The following ITSN1 variants were observed in gnomAD, a reference collection of about 807,000 sequenced individuals.
ITSN1 encodes the protein intersectin 1.
Under a neutral mutation model 239.8 loss-of-function variants are expected in ITSN1, and 58 were observed. The observed-to-expected ratio is 0.24, with a 90% CI of 0.20 to 0.30. The LOEUF is 0.30. Among genes scored for constraint, ITSN1 ranks in the 10% least tolerant of loss-of-function variants. The probability of loss-of-function intolerance (pLI) is 1.00; values close to 1 mark genes in which losing one functional copy is unlikely to be tolerated. For synonymous variants in ITSN1, 780 were observed against 770.8 expected (o/e 1.01, Z -0.20); for missense variants, 1,558 against 2,103.3 (o/e 0.74, Z 5.07).
chr21:33,877,626 G>A (rs2148541394), intron 34 of ITSN1, among the ~76,000 whole-genome samples: 1 of 152,258 alleles, frequency 6.6e-6, no homozygotes, highest in South Asian at 2.1e-4. Context: ...TTTTTGTGAA[G>A]ATCTCCTAGT....
intron 1 of ITSN1, among the ~76,000 whole-genome samples, chr21:33,663,608 CT>C (rs796797052): frequency 0.043 from 6,353 of 147,570 alleles, 442 homozygotes; most frequent in African/African-American, 0.15. Flanking sequence ...TGATTAAATT[CT>C]TTTTTTTTTT....
In ITSN1 at chr21:33,882,177, G is replaced by A; in HGVS notation, c.4342-66G>A. 1 of 1,389,568 alleles carries A rather than the reference G, an allele frequency of 7.2e-7. No homozygotes were observed. The highest frequency in any genetic ancestry group is 1.0e-6 in the Non-Finnish European group (1 of 997,278). 86.1% of individuals were successfully genotyped at this position (1,389,568 alleles called of 1,614,324 possible). A position where few individuals can be genotyped will look rare whatever the true frequency, so the allele number is the denominator to read the frequency against. ...TGGGGCCTGGCCTCTGATTCTGATG[G>A]AGCCCATGCTTTCAGATGCGGAGAA... On this transcript the variant is annotated intron_variant, in intron 34 of 39. Coordinates refer to ENST00000381318, the MANE Select transcript of ITSN1 (RefSeq NM_003024.3). This position sits in a 1 kb window ranked among gnomAD's most constrained non-coding sequence, Gnocchi z 4.5.
chr21:33,686,943 G>T (rs2091271850), intron 1 of ITSN1, among the ~76,000 whole-genome samples: 1 of 152,114 alleles, frequency 6.6e-6, no homozygotes, highest in Non-Finnish European at 1.5e-5. Flanking sequence ...TGGCCAATGT[G>T]GTGGATATTT....
Position 33,775,057 on chromosome 21 carries a change from A to C in ITSN1, c.1545A>C (p.Lys515Asn), listed in dbSNP as rs1381554892. 6.2e-7 allele frequency: 1 copy of C among 1,614,118 alleles called. No homozygotes were observed. Among genetic ancestry groups the C allele is most frequent in the South Asian group, 1.1e-5 (1 of 91,044 alleles). ...TQRQEIESTN[K>N]SRELRIAEIT... ...GGCAAGAAATTGAGAGCACAAACAA[A>C]TCTAGAGAGTTGAGAATTGCCGAAA... is the stretch of plus-strand genomic sequence containing the variant. The change falls in exon 14 of 40, where the codon AAA becomes AAC. Residue 515 changes from lysine (K) to asparagine (N), a missense_variant. By Grantham distance (94) the Lys-to-Asn change is moderately conservative. This residue lies in a region of ITSN1 where 982 missense variants were observed against 1,209.9 expected (regional missense o/e 0.81). Transcript: ENST00000381318.
At chr21:33,711,653 TGTGTG>T (rs994033009) in intron 1 of ITSN1, among the ~76,000 whole-genome samples, 5 of 10,804 alleles carry the variant, frequency 4.6e-4, no homozygotes, top group African/African-American at 2.3e-3. Flanking sequence ...TTCTGTGTGT[TGTGTG>T]TGTGTGTGTG....
At chr21:33,762,637 A>G (rs2068426050) in intron 9 of ITSN1, among the ~76,000 whole-genome samples, 1 of 152,006 alleles carries the variant, frequency 6.6e-6, no homozygotes, top group Admixed American at 6.6e-5. Flanking sequence ...TTTATCTTCA[A>G]AAGAGAGGGA....
At chr21:33,733,764 T>C (rs990222639) in intron 4 of ITSN1, among the ~76,000 whole-genome samples, 1 of 152,184 alleles carries the variant, frequency 6.6e-6, no homozygotes, top group Non-Finnish European at 1.5e-5. Flanking sequence ...AATTCTTTGC[T>C]GAAGGGCCCA....
chr21:33,818,610 T>C (rs1285171368), intron 23 of ITSN1, 138 bp downstream of exon 23: 1 of 718,022 alleles, frequency 1.4e-6, no homozygotes, highest in Non-Finnish European at 2.4e-6. Context: ...AAAGTTATAG[T>C]ATATAGAGTA....
At chr21:33,665,094 G>C (rs143429345) in intron 1 of ITSN1, among the ~76,000 whole-genome samples, 6,921 of 135,558 alleles carry the variant, frequency 0.051, 505 homozygotes, top group African/African-American at 0.17. Context: ...GAAACCCCGT[G>C]TCTACTAAAA....
intron 5 of ITSN1, among the ~76,000 whole-genome samples, chr21:33,742,092 T>C (rs1279554537): frequency 1.3e-5 from 2 of 150,928 alleles, no homozygotes; most frequent in African/African-American, 2.4e-5. Context: ...AGTCTTGCTC[T>C]GTCCCCCAGG....
chr21:33,671,878 C>T (rs1339917093), intron 1 of ITSN1, among the ~76,000 whole-genome samples: 1 of 152,122 alleles, frequency 6.6e-6, no homozygotes, highest in African/African-American at 2.4e-5. Context: ...GTTGTATATC[C>T]ATCTTGTCCT....
chr21:33,768,046 G>A (rs529968953), intron 11 of ITSN1, among the ~76,000 whole-genome samples: 1 of 152,282 alleles, frequency 6.6e-6, no homozygotes, highest in South Asian at 2.1e-4. Flanking sequence ...ATGCACCGTT[G>A]TTCTAACTTG....
intron 1 of ITSN1, among the ~76,000 whole-genome samples, chr21:33,712,518 C>G (rs1235555060): frequency 4.6e-5 from 7 of 152,192 alleles, no homozygotes; most frequent in Non-Finnish European, 7.3e-5. Flanking sequence ...TTAATTCACA[C>G]AATGGCAGGT....
rs1462406255 is a variant in ITSN1, at chr21:33,894,120, G to C, written c.*5820G>C. 1.3e-5 allele frequency: 2 copies of C among 152,234 alleles called. No homozygotes were observed. Among genetic ancestry groups the C allele is most frequent in the African/African-American group, 4.8e-5 (2 of 41,452 alleles). The allele number at this position is 152,234 out of a possible 1,614,324, so 9.4% of individuals were successfully genotyped here. The stretch of plus-strand genomic sequence containing the variant: ...TGGTGGCATTCAAGCAAGCCTAATT[G>C]GATTAGGTTGGTGCAAAAGTGATTG... On this transcript the variant is annotated 3_prime_UTR_variant, in exon 40 of 40. Transcript: ENST00000381318.
chr21:33,818,106 C>T (rs1457981356), intron 22 of ITSN1, 161 bp from the exon 23 acceptor site: 45 of 622,616 alleles, frequency 7.2e-5, no homozygotes, highest in Non-Finnish European at 1.1e-5. Flanking sequence ...TGTTGGGAAA[C>T]AGTGAAGCAT....
chr21:33,781,411 T>C, intron 14 of ITSN1, 50 bp from the exon 15 acceptor site: 2 of 963,348 alleles, frequency 2.1e-6, no homozygotes, highest in Non-Finnish European at 3.4e-6. Flanking sequence ...TTAATGTAGA[T>C]GTGGTAGCCT....
chr21:33,707,410 C>T (rs1005478487), intron 1 of ITSN1, among the ~76,000 whole-genome samples: 1 of 152,112 alleles, frequency 6.6e-6, no homozygotes, highest in African/African-American at 2.4e-5. Context: ...ATGTGAGGCA[C>T]TGCACTTTAA....
chr21:33,836,672 A>G (rs1335301798), intron 29 of ITSN1, 40 bp downstream of exon 29: 3 of 1,492,890 alleles, frequency 2.0e-6, no homozygotes, highest in Admixed American at 1.7e-5. Context: ...CCTCTCTGGT[A>G]TCTTCCCGTA....
intron 34 of ITSN1, among the ~76,000 whole-genome samples, chr21:33,878,818 G>A (rs981532625): frequency 6.6e-6 from 1 of 152,168 alleles, no homozygotes. Context: ...CATGTGCCAC[G>A]GCTCAGTACT....
Sources: gnomAD v4.1 joint callset for allele counts (sites outside exome capture counted in the v4.1 genomes callset) on GRCh38, gnomAD v4.1.1 for gene constraint, gnomAD v4.1.1 regional missense constraint, Gnocchi (gnomAD v3.1) non-coding constraint, MANE v1.5 for transcripts, NCBI Gene and HGNC (gene_info 2026-07-23, HGNC 2026-07-21) for gene names.